Variants in SPSB4 observed in about 807,000 individuals in gnomAD.
SPSB4 encodes splA/ryanodine receptor domain and SOCS box containing 4.
In SPSB4, 21 loss-of-function variants were observed where a neutral mutation model predicts 20.9. That is an observed-to-expected ratio of 1.01 (90% CI 0.71 to 1.45). The LOEUF (loss-of-function observed/expected upper bound fraction) is 1.45, where lower values mean the gene tolerates loss of function less well. Among genes scored for constraint, SPSB4 ranks in the 40% most tolerant of loss-of-function variants. SPSB4 has a pLI of 0.00. For synonymous variants in SPSB4, 207 were observed against 183.8 expected (o/e 1.13, Z -1.02); for missense variants, 399 against 399.2 (o/e 1.00, Z 0.00).
intron 1 of SPSB4, among the ~76,000 whole-genome samples, chr3:141,064,488 C>T (rs1265618563): frequency 6.6e-6 from 1 of 152,222 alleles, no homozygotes; most frequent in East Asian, 1.9e-4. Context: ...AAGCTGGGAT[C>T]TGACAATAGA....
At chr3:141,088,496 A>G (rs1158737934) in intron 2 of SPSB4, among the ~76,000 whole-genome samples, 1 of 152,146 alleles carries the variant, frequency 6.6e-6, no homozygotes, top group Admixed American at 6.5e-5. Flanking sequence ...TCTCAGCTCA[A>G]CTGGTTAGGT....
At chr3:141,133,329 T>G (rs1939165387) in intron 2 of SPSB4, among the ~76,000 whole-genome samples, 1 of 152,232 alleles carries the variant, frequency 6.6e-6, no homozygotes, top group Admixed American at 6.5e-5. Flanking sequence ...TTGTTTTTAT[T>G]GCATTTGCTT....
intron 2 of SPSB4, among the ~76,000 whole-genome samples, chr3:141,131,662 T>C (rs1296416608): frequency 6.6e-6 from 1 of 152,254 alleles, no homozygotes; most frequent in Non-Finnish European, 1.5e-5. Flanking sequence ...ATAATTGTGG[T>C]TCCTTCATTC....
At chr3:141,076,042 GA>G (rs1220451115) in intron 2 of SPSB4, among the ~76,000 whole-genome samples, 2 of 152,102 alleles carry the variant, frequency 1.3e-5, no homozygotes, top group Non-Finnish European at 2.9e-5. Flanking sequence ...CTGGGCAACA[GA>G]GTGAAACTGT....
intron 2 of SPSB4, among the ~76,000 whole-genome samples, chr3:141,144,198 A>G (rs1939376501): frequency 6.6e-6 from 1 of 152,234 alleles, no homozygotes; most frequent in Non-Finnish European, 1.5e-5. Context: ...AGGAAAGAGG[A>G]TATCATCATT....
At chr3:141,081,994 T>A (rs570252345) in intron 2 of SPSB4, among the ~76,000 whole-genome samples, 7 of 152,280 alleles carry the variant, frequency 4.6e-5, no homozygotes, top group African/African-American at 1.7e-4. Context: ...AGACCAGCCA[T>A]GTCCCTCCTG....
chr3:141,078,013 G>A (rs1447587119), intron 2 of SPSB4, among the ~76,000 whole-genome samples: 1 of 152,212 alleles, frequency 6.6e-6, no homozygotes, highest in African/African-American at 2.4e-5. Context: ...CCTTGGCTTT[G>A]GCTCACTGTG....
intron 2 of SPSB4, chr3:141,132,203 G>T (rs1042566198): frequency 4.7e-6 from 2 of 425,370 alleles, no homozygotes; most frequent in Non-Finnish European, 9.3e-6. Flanking sequence ...AGTCTCACTC[G>T]GTTGCCCTGG....
intron 2 of SPSB4, chr3:141,124,255 T>C (rs1364316626): frequency 2.6e-5 from 4 of 152,160 alleles, no homozygotes; most frequent in South Asian, 4.1e-4. Flanking sequence ...TGGGAGCCCA[T>C]AGGGGTGAGG....
intron 2 of SPSB4, among the ~76,000 whole-genome samples, chr3:141,142,903 A>T (rs1939356810): frequency 1.6e-5 from 2 of 127,930 alleles, no homozygotes; most frequent in African/African-American, 2.9e-5. Flanking sequence ...TGCAAGTTCC[A>T]CCTCCCAGGT....
chr3:141,135,598 T>C (rs569393288), intron 2 of SPSB4, among the ~76,000 whole-genome samples: 4 of 151,944 alleles, frequency 2.6e-5, no homozygotes, highest in Non-Finnish European at 5.9e-5. Flanking sequence ...CAGTGTTTGG[T>C]TTTTTGTCCT....
intron 2 of SPSB4, among the ~76,000 whole-genome samples, chr3:141,133,639 A>T (rs1939170846): frequency 6.6e-6 from 1 of 152,174 alleles, no homozygotes; most frequent in African/African-American, 2.4e-5. Context: ...ATTCTGGTCC[A>T]TTGGTCTACA....
Position 141,118,330 on chromosome 3 carries a change from T to C in SPSB4, c.695-28812T>C, listed in dbSNP as rs74990005. ...TCTCTTTATAGCCTTTGCCTAATTT[T>C]TGATGGGGTTGTTTTTTTCATGTAA... On this transcript the variant is annotated intron_variant, in intron 2 of 2. Transcript: ENST00000310546. 4.5e-3 allele frequency among the ~76,000 whole-genome samples: 690 copies of C among 152,362 alleles called. 8 individuals are homozygous for C. The highest frequency in any genetic ancestry group is 0.015 in the African/African-American group (636 of 41,590).
intron 2 of SPSB4, among the ~76,000 whole-genome samples, chr3:141,132,694 C>T (rs1296288766): frequency 6.6e-6 from 1 of 151,982 alleles, no homozygotes; most frequent in Non-Finnish European, 1.5e-5. Context: ...TTTATCCACT[C>T]ATTCATTGAT....
chr3:141,134,955 A>G lies in SPSB4; in HGVS notation c.695-12187A>G, dbSNP rs570501539. On this transcript the variant is annotated intron_variant, in intron 2 of 2. Coordinates refer to ENST00000310546, the MANE Select transcript of SPSB4 (RefSeq NM_080862.3). ...ATAACAGGTACACTGCAAAAGATAT[A>G]TAAGCATACTGTTCAGTGAATTCTT... is the stretch of plus-strand genomic sequence containing the variant. Among the ~76,000 whole-genome samples, 42 of 151,966 alleles carry G rather than the reference A, an allele frequency of 2.8e-4. No homozygotes were observed. The South Asian group carries it at 3.9e-3, about 14-fold the overall frequency.
At chr3:141,118,475 G>A (rs149243494) in intron 2 of SPSB4, among the ~76,000 whole-genome samples, 1,983 of 152,278 alleles carry the variant, frequency 0.013, 33 homozygotes, top group African/African-American at 0.045. Flanking sequence ...CTTTTGCTGT[G>A]CAGAAGCTCT....
At chr3:141,118,063 CT>C in intron 2 of SPSB4, among the ~76,000 whole-genome samples, 1 of 152,296 alleles carries the variant, frequency 6.6e-6, no homozygotes, top group Non-Finnish European at 1.5e-5. Flanking sequence ...GTTCTAGATC[CT>C]TGAGGAATCG....
At chr3:141,143,869 A>G (rs1254218158) in intron 2 of SPSB4, among the ~76,000 whole-genome samples, 1 of 152,270 alleles carries the variant, frequency 6.6e-6, no homozygotes, top group Non-Finnish European at 1.5e-5. Context: ...TACAGAATGA[A>G]TAAAAATTTA....
chr3:141,105,664 G>A (rs1005937704), intron 2 of SPSB4, among the ~76,000 whole-genome samples: 1 of 152,192 alleles, frequency 6.6e-6, no homozygotes, highest in African/African-American at 2.4e-5. Context: ...AAGCCAGGCG[G>A]GTCTGACTTC....
Sources: allele counts gnomAD v4.1 joint callset (sites outside exome capture counted in the v4.1 genomes callset), GRCh38; gene constraint gnomAD v4.1.1; transcripts MANE v1.5; gene names NCBI Gene and HGNC (gene_info 2026-07-23, HGNC 2026-07-21).